The following HPSE2 variants were observed in gnomAD, a reference collection of about 807,000 sequenced individuals.
HPSE2 encodes inactive heparanase-2.
In HPSE2, 38 loss-of-function variants were observed where a neutral mutation model predicts 60.5. The ratio of observed to expected loss-of-function variants is 0.63; its 90% CI spans 0.48 to 0.82. HPSE2 has a LOEUF of 0.82. Ranked by LOEUF, HPSE2 falls within the 40% of genes least tolerant of loss-of-function variation. The pLI is 0.00. For missense variants in HPSE2, 713 were observed against 740.4 expected, an observed-to-expected ratio of 0.96 and a Z score of 0.43; for synonymous variants, 295 against 293.2, an observed-to-expected ratio of 1.01 and a Z score of -0.06.
In HPSE2 at chr10:98,795,017, A is replaced by AAG. The variant is rs1382395403; in HGVS notation, c.611-50962_611-50961insCT. On this transcript the variant is annotated intron_variant, in intron 3 of 11. Coordinates refer to ENST00000370552, the MANE Select transcript of HPSE2 (RefSeq NM_021828.5). Reference sequence around the variant, plus strand: ...GAGGGGAGGGAGGAAGGAGAGAGAGAGAGAAGGAAGGAAGGAAGGAAGGAA... The same window carrying AAG: ...GAGGGGAGGGAGGAAGGAGAGAGAGAAGGAGAAGGAAGGAAGGAAGGAAGGAA... 9.5e-4 allele frequency among the ~76,000 whole-genome samples: 131 copies of AAG among 137,964 alleles called. 1 individual carries two copies. Among genetic ancestry groups the AAG allele is most frequent in the African/African-American group, 3.4e-3 (123 of 36,196 alleles). The allele number at this position is 137,964 out of a possible 152,430, so 90.5% of individuals were successfully genotyped here.
At chr10:99,144,095 A>T in intron 3 of HPSE2, 143 bp downstream of exon 3, 1 of 842,934 alleles carries the variant, frequency 1.2e-6, no homozygotes, top group Non-Finnish European at 1.9e-6. Context: ...ATATCTGCAA[A>T]CTACAAGGAA....
chr10:99,195,139 T>A (rs1204915297), intron 2 of HPSE2, among the ~76,000 whole-genome samples: 1 of 152,158 alleles, frequency 6.6e-6, no homozygotes, highest in Non-Finnish European at 1.5e-5. Context: ...AAAGATCATT[T>A]CAACTGATGC....
At chr10:99,065,530 AGTT>A (rs748519422) in intron 3 of HPSE2, among the ~76,000 whole-genome samples, 30 of 152,324 alleles carry the variant, frequency 2.0e-4, no homozygotes, top group Middle Eastern at 3.4e-3. Context: ...ATTTGATATG[AGTT>A]GAACCAAACT....
At chr10:99,043,573 G>C (rs1404369671) in intron 3 of HPSE2, among the ~76,000 whole-genome samples, 1 of 152,154 alleles carries the variant, frequency 6.6e-6, no homozygotes, top group East Asian at 1.9e-4. Context: ...GGATGGCAAG[G>C]AAGCTCATCA....
At chr10:99,095,052 G>A (rs1045919826) in intron 3 of HPSE2, among the ~76,000 whole-genome samples, 3 of 151,988 alleles carry the variant, frequency 2.0e-5, no homozygotes, top group Non-Finnish European at 2.9e-5. Context: ...GCTGAGTGTG[G>A]TGGTGTGTGC....
chr10:98,721,811 T>G lies in HPSE2; in HGVS notation c.802A>C (p.Thr268Pro), dbSNP rs1188072625. The G allele has an allele frequency of 6.2e-7, 1 of 1,613,358 alleles. No homozygotes were observed. The highest frequency in any genetic ancestry group is 1.3e-5 in the African/African-American group (1 of 74,806). ...CCATTTACTGCCCGGCCATGCATGG[T>G]CCGATAGTTATTTGGCTCTAGATTA... is the stretch of plus-strand genomic sequence containing the variant. ...ELGNEPNNYR[T>P]MHGRAVNGSQ... Residue 268 changes from threonine (T) to proline (P), a missense_variant, in exon 5 of 12, where the codon ACC becomes CCC. Transcript: ENST00000370552.
intron 3 of HPSE2, among the ~76,000 whole-genome samples, chr10:98,945,011 C>T (rs1416648077): frequency 6.6e-6 from 1 of 152,106 alleles, no homozygotes; most frequent in East Asian, 1.9e-4. Flanking sequence ...TGTCACGCCA[C>T]AATGGTTGCT....
rs554786688 is a variant in HPSE2, at chr10:98,774,928, A to T, written c.611-30872T>A. Reference sequence around the variant, plus strand: ...ATTCTAAGTATGTTGGAAATGGAAAAGTGGCAATAGAATCCACAAGTGTCA... The same window carrying T: ...ATTCTAAGTATGTTGGAAATGGAAATGTGGCAATAGAATCCACAAGTGTCA... On this transcript the variant is annotated intron_variant, in intron 3 of 11. Coordinates refer to ENST00000370552, the MANE Select transcript of HPSE2 (RefSeq NM_021828.5). Among the ~76,000 whole-genome samples the T allele has an allele frequency of 2.0e-5, 3 of 152,340 alleles. No homozygotes were observed. The East Asian group carries it at 5.8e-4, about 29-fold the overall frequency.
chr10:98,947,317 T>C (rs1296891419), intron 3 of HPSE2, among the ~76,000 whole-genome samples: 1 of 152,126 alleles, frequency 6.6e-6, no homozygotes, highest in Non-Finnish European at 1.5e-5. Context: ...AAGGCATACC[T>C]ATAGACTATA....
chr10:98,984,731 T>C (rs1384949718), intron 3 of HPSE2, among the ~76,000 whole-genome samples: 1 of 152,062 alleles, frequency 6.6e-6, no homozygotes, highest in Non-Finnish European at 1.5e-5. Context: ...GGCAAAGAAG[T>C]TAGAACCTTG....
chr10:98,468,834 C>T (rs914370465), intron 11 of HPSE2, among the ~76,000 whole-genome samples: 9 of 152,064 alleles, frequency 5.9e-5, no homozygotes, highest in Non-Finnish European at 1.2e-4. Flanking sequence ...GTATCCTGTT[C>T]CCTTGCCCTT....
At chr10:98,496,935 GTTTC>G (rs1941861732) in intron 9 of HPSE2, among the ~76,000 whole-genome samples, 1 of 151,032 alleles carries the variant, frequency 6.6e-6, no homozygotes, top group Non-Finnish European at 1.5e-5. Flanking sequence ...TTTTCTCTTG[GTTTC>G]TTTTTTTAAT....
At chr10:99,148,801 C>T in intron 2 of HPSE2, among the ~76,000 whole-genome samples, 1 of 151,688 alleles carries the variant, frequency 6.6e-6, no homozygotes, top group East Asian at 1.9e-4. Context: ...ATCAATCAAT[C>T]AATCAATCAA....
At chr10:99,175,614 G>C (rs1289022387) in intron 2 of HPSE2, among the ~76,000 whole-genome samples, 3 of 152,234 alleles carry the variant, frequency 2.0e-5, no homozygotes, top group Non-Finnish European at 2.9e-5. Context: ...AAAGGCAGCA[G>C]CCCCAGTCAG....
chr10:99,018,094 C>T (rs1316310689), intron 3 of HPSE2, among the ~76,000 whole-genome samples: 2 of 152,180 alleles, frequency 1.3e-5, no homozygotes, highest in Admixed American at 6.5e-5. Context: ...GAATCTGTTC[C>T]CTTGATTCTT....
chr10:99,174,530 T>C (rs942541618), intron 2 of HPSE2, among the ~76,000 whole-genome samples: 1 of 152,204 alleles, frequency 6.6e-6, no homozygotes, highest in Non-Finnish European at 1.5e-5. Flanking sequence ...AAGGTATCAA[T>C]ACTTGAGATC....
intron 3 of HPSE2, among the ~76,000 whole-genome samples, chr10:98,940,931 A>G (rs1408433420): frequency 1.3e-4 from 17 of 129,500 alleles, no homozygotes; most frequent in South Asian, 2.3e-4. Context: ...GGTTCAATAT[A>G]CACAAATCAA....
intron 3 of HPSE2, among the ~76,000 whole-genome samples, chr10:98,837,603 G>A (rs1447532872): frequency 6.6e-6 from 1 of 152,172 alleles, no homozygotes; most frequent in African/African-American, 2.4e-5. Flanking sequence ...GGCCGGGCGT[G>A]GTGGCTCACG....
intron 3 of HPSE2, among the ~76,000 whole-genome samples, chr10:99,073,957 T>G (rs1340323397): frequency 6.6e-6 from 1 of 150,514 alleles, no homozygotes; most frequent in African/African-American, 2.5e-5. Context: ...TTTTTTTTTT[T>G]GGTGGAATCC....
Sources: allele counts gnomAD v4.1 joint callset (sites outside exome capture counted in the v4.1 genomes callset), GRCh38; gene constraint gnomAD v4.1.1; transcripts MANE v1.5; gene names NCBI Gene and HGNC (gene_info 2026-07-23, HGNC 2026-07-21).